The following COL24A1 variants were observed in gnomAD, a reference collection of about 807,000 sequenced individuals.
The protein encoded by COL24A1 is collagen alpha-1(XXIV) chain.
In COL24A1, 224 loss-of-function variants were observed where a neutral mutation model predicts 253.9. The observed-to-expected ratio is 0.88, with a 90% CI of 0.79 to 0.99. The LOEUF is 0.99. Among genes scored for constraint, COL24A1 ranks in the 50% least tolerant of loss-of-function variants. The pLI is 0.00. For missense variants in COL24A1, 2,131 were observed against 2,068.5 expected (o/e 1.03, Z -0.59); for synonymous variants, 685 against 673.7 (o/e 1.02, Z -0.26).
At chr1:85,829,577 G>T (rs1036694403) in intron 43 of COL24A1, among the ~76,000 whole-genome samples, 7 of 151,722 alleles carry the variant, frequency 4.6e-5, no homozygotes, top group Non-Finnish European at 8.8e-5. Context: ...ACGTAGATTT[G>T]GTTTTTTCAT....
chr1:86,105,638 G>C (rs760456698), intron 5 of COL24A1, among the ~76,000 whole-genome samples: 16 of 130,204 alleles, frequency 1.2e-4, no homozygotes, highest in Non-Finnish European at 2.7e-4. Flanking sequence ...AGCCTAGGGG[G>C]ATTGGCATTC....
At chr1:85,862,539 G>A (rs1313984978) in intron 37 of COL24A1, among the ~76,000 whole-genome samples, 1 of 152,148 alleles carries the variant, frequency 6.6e-6, no homozygotes, top group African/African-American at 2.4e-5. Context: ...ATCTTGGGAA[G>A]TTCTGCATAG....
intron 7 of COL24A1, among the ~76,000 whole-genome samples, chr1:86,069,308 G>A (rs1176397520): frequency 6.6e-6 from 1 of 152,188 alleles, no homozygotes; most frequent in African/African-American, 2.4e-5. Flanking sequence ...GTAAACATTG[G>A]TGAAAGCCTA....
intron 31 of COL24A1, 113 bp from the exon 32 acceptor site, chr1:85,889,726 C>T (rs994707464): frequency 9.7e-6 from 8 of 822,330 alleles, no homozygotes; most frequent in African/African-American, 1.8e-5. Context: ...CTGTCTATTG[C>T]TATTCTTTTT....
chr1:86,076,508 C>T (rs576721025), intron 7 of COL24A1, among the ~76,000 whole-genome samples: 1 of 152,314 alleles, frequency 6.6e-6, no homozygotes, highest in South Asian at 2.1e-4. Flanking sequence ...TTCAAGCTAT[C>T]ATTGACTTTC....
At chr1:85,884,155 C>T (rs1199967314) in intron 32 of COL24A1, among the ~76,000 whole-genome samples, 1 of 151,982 alleles carries the variant, frequency 6.6e-6, no homozygotes, top group Admixed American at 6.6e-5. Context: ...CTTTGAAATT[C>T]CCAGTTTCAT....
intron 19 of COL24A1, among the ~76,000 whole-genome samples, chr1:86,016,045 CTT>C (rs112210090): frequency 2.6e-4 from 37 of 144,412 alleles, no homozygotes; most frequent in Non-Finnish European, 3.0e-4. Context: ...AACATTTTTT[CTT>C]TTTTTTTTTT....
At chr1:85,967,836 G>C (rs899366182) in intron 22 of COL24A1, among the ~76,000 whole-genome samples, 3 of 152,128 alleles carry the variant, frequency 2.0e-5, no homozygotes, top group African/African-American at 7.2e-5. Flanking sequence ...GCAGTTAGAT[G>C]GTCAATACTT....
chr1:85,730,673 T>C lies in COL24A1; in HGVS notation c.5018A>G (p.His1673Arg). ...GGTGTGAAAAAGAAATGTTGCCTTA[T>C]GCCAGCTGCCATCTTGAATCTGTAA... ...DDCKIQDGSW[H>R]KATFLFHTQE... The change falls in exon 60 of 60, where the codon CAT becomes CGT. Residue 1673 changes from histidine to arginine, a missense_variant. Transcript: ENST00000370571. 1 of 1,613,988 alleles carries C rather than the reference T, an allele frequency of 6.2e-7. No individual in the cohort carries two copies. Among genetic ancestry groups the C allele is most frequent in the Non-Finnish European group, 8.5e-7 (1 of 1,179,888 alleles).
At chr1:86,037,264 C>T (rs1056162461) in intron 12 of COL24A1, among the ~76,000 whole-genome samples, 1 of 152,154 alleles carries the variant, frequency 6.6e-6, no homozygotes, top group African/African-American at 2.4e-5. Flanking sequence ...GACATCCTCC[C>T]TTTGAGTGTA....
At chr1:86,104,029 T>C (rs961161006) in intron 5 of COL24A1, among the ~76,000 whole-genome samples, 8 of 152,348 alleles carry the variant, frequency 5.3e-5, no homozygotes, top group Admixed American at 2.0e-4. Flanking sequence ...CAATGAGTCA[T>C]AGATTTGGTC....
In COL24A1 at chr1:85,745,433, T is replaced by TA. The variant is rs1665110203; in HGVS notation, c.4503+7dup. On this transcript the variant is annotated splice_region_variant and intron_variant, in intron 56 of 59. Transcript: ENST00000370571. ...CAGTGCCAATATAAATAAAACCAGA[T>TA]ATGTTACCTCCATCTGTAGGGCAGT... 6.3e-7 allele frequency: 1 copy of TA among 1,598,450 alleles called. No homozygotes were observed. Among genetic ancestry groups the TA allele is most frequent in the Non-Finnish European group, 8.5e-7 (1 of 1,172,030 alleles).
At chr1:85,999,003 T>C (rs1695139041) in intron 19 of COL24A1, among the ~76,000 whole-genome samples, 1 of 152,192 alleles carries the variant, frequency 6.6e-6, no homozygotes, top group South Asian at 2.1e-4. Context: ...AATTGTTGGC[T>C]TGCAAATGGA....
rs1666184723 is a variant in COL24A1 at position 85,755,880 on chromosome 1, A to T, written c.4437+5516T>A. ...TACCAAGAGCACAGTCAACAAGAGA[A>T]CAAAGTAGATAAATTAGACTATATC... On this transcript the variant is annotated intron_variant, in intron 55 of 59. Coordinates refer to ENST00000370571, the MANE Select transcript of COL24A1 (RefSeq NM_152890.7). 2.0e-5 allele frequency among the ~76,000 whole-genome samples: 3 copies of T among 147,310 alleles called. No individual in the cohort carries two copies. The South Asian group carries it at 6.6e-4, about 32-fold the overall frequency.
intron 19 of COL24A1, among the ~76,000 whole-genome samples, chr1:86,009,845 T>C (rs560193811): frequency 4.6e-5 from 7 of 152,320 alleles, no homozygotes; most frequent in Admixed American, 4.6e-4. Context: ...TTCAGTTCTG[T>C]TATAATCTTA....
At chr1:86,130,303 G>A (rs1040635083) in intron 2 of COL24A1, among the ~76,000 whole-genome samples, 1 of 151,752 alleles carries the variant, frequency 6.6e-6, no homozygotes, top group Non-Finnish European at 1.5e-5. Context: ...TTTTGATCCA[G>A]TCTGAATTGT....
intron 41 of COL24A1, among the ~76,000 whole-genome samples, chr1:85,841,545 G>A (rs1051919515): frequency 3.3e-5 from 5 of 152,074 alleles, no homozygotes; most frequent in Admixed American, 6.6e-5. Flanking sequence ...CAATGATATT[G>A]TAAATTAAGA....
Position 85,818,158 on chromosome 1 carries a change from A to G in COL24A1, c.3790-71T>C, listed in dbSNP as rs1165649740. 8.2e-6 allele frequency: 10 copies of G among 1,225,114 alleles called. No individual in the cohort carries two copies. In the Admixed American group the frequency reaches 1.4e-4, roughly 17 times the overall value. 75.9% of individuals were successfully genotyped at this position (1,225,114 alleles called of 1,614,324 possible). A position where few individuals can be genotyped will look rare whatever the true frequency, so the allele number is the denominator to read the frequency against. On this transcript the variant is annotated intron_variant, in intron 45 of 59. Transcript: ENST00000370571. ...TTAAACTGAAGCCATAGAAAAGGAC[A>G]CTGAGACCTGGACGCTGCAGCAAGA...
At chr1:85,882,198 C>A (rs2102667611) in intron 32 of COL24A1, among the ~76,000 whole-genome samples, 1 of 152,220 alleles carries the variant, frequency 6.6e-6, no homozygotes, top group East Asian at 1.9e-4. Flanking sequence ...TTGTTGTTGG[C>A]CGGGCGCAGT....
Sources: gnomAD v4.1 joint callset for allele counts (sites outside exome capture counted in the v4.1 genomes callset) on GRCh38, gnomAD v4.1.1 for gene constraint, MANE v1.5 for transcripts, NCBI Gene and HGNC (gene_info 2026-07-23, HGNC 2026-07-21) for gene names.